The following SEMA4B variants were observed in gnomAD, a reference collection of about 807,000 sequenced individuals.
The protein encoded by SEMA4B is semaphorin 4B.
In SEMA4B, 55 loss-of-function variants were observed where a neutral mutation model predicts 88.1. That is an observed-to-expected ratio of 0.62 (90% CI 0.50 to 0.78). The LOEUF (loss-of-function observed/expected upper bound fraction) is 0.78, where lower values mean the gene tolerates loss of function less well. SEMA4B is among the 30% of genes least tolerant of loss of function. The pLI is 0.00. For missense variants in SEMA4B, 1,062 were observed against 1,111.9 expected (o/e 0.96, Z 0.64); for synonymous variants, 525 against 473.6 (o/e 1.11, Z -1.41).
chr15:90,222,014 A>G (rs966412145), intron 7 of SEMA4B, among the ~76,000 whole-genome samples: 1 of 150,816 alleles, frequency 6.6e-6, no homozygotes, highest in Non-Finnish European at 1.5e-5. Context: ...ATCACGGTTC[A>G]CTGCAGCCTC....
intron 1 of SEMA4B, among the ~76,000 whole-genome samples, chr15:90,208,264 A>G (rs1316728950): frequency 6.6e-6 from 1 of 152,220 alleles, no homozygotes; most frequent in African/African-American, 2.4e-5. Context: ...CAAAAAAAAA[A>G]AAAGAAAGAA....
intron 1 of SEMA4B, among the ~76,000 whole-genome samples, chr15:90,210,002 G>T (rs35089261): frequency 0.11 from 16,233 of 152,244 alleles, 1,071 homozygotes; most frequent in Admixed American, 0.19. Context: ...ATAGCAGCTG[G>T]CCTGGAGATG....
intron 1 of SEMA4B, among the ~76,000 whole-genome samples, chr15:90,188,777 T>C (rs184860063): frequency 0.014 from 2,074 of 152,112 alleles, 46 homozygotes; most frequent in African/African-American, 0.044. Context: ...ATGCCATTCT[T>C]CTGCCTCAGC....
rs1259312707 is a variant in SEMA4B, at chr15:90,229,355, C to T, written c.*712C>T. ...TCAGGAGAGATTTCGTGACAATGTA[C>T]GCCTTTCCCTCAGAATTCAGGGAAG... On this transcript the variant is annotated 3_prime_UTR_variant, in exon 14 of 14. Coordinates refer to ENST00000411539, the MANE Select transcript of SEMA4B (RefSeq NM_198925.4). 6 of 456,740 alleles carry T rather than the reference C, an allele frequency of 1.3e-5. No homozygotes were observed. Among genetic ancestry groups the T allele is most frequent in the East Asian group, 6.9e-5 (1 of 14,406 alleles). The allele number at this position is 456,740 out of a possible 1,614,324, so 28.3% of individuals were successfully genotyped here. A position where few individuals can be genotyped will look rare whatever the true frequency, so the allele number is the denominator to read the frequency against.
intron 1 of SEMA4B, among the ~76,000 whole-genome samples, chr15:90,204,757 T>G (rs1376898495): frequency 1.3e-5 from 2 of 152,080 alleles, no homozygotes; most frequent in Admixed American, 1.3e-4. Context: ...GCCACCTTAT[T>G]TGGACACTTA....
chr15:90,198,218 G>T (rs899216701), upstream of SEMA4B, among the ~76,000 whole-genome samples: 1 of 152,042 alleles, frequency 6.6e-6, no homozygotes, highest in South Asian at 2.1e-4. Context: ...CGCCTGGCTG[G>T]TAAAACTCTT....
intron 1 of SEMA4B, among the ~76,000 whole-genome samples, chr15:90,211,782 G>A (rs1961279715): frequency 6.6e-6 from 1 of 152,192 alleles, no homozygotes; most frequent in African/African-American, 2.4e-5. Flanking sequence ...TGAGAGTGGG[G>A]GAGGCCACTG....
intron 13 of SEMA4B, 110 bp downstream of exon 13, chr15:90,227,752 C>A: frequency 6.9e-7 from 1 of 1,454,312 alleles, no homozygotes. Flanking sequence ...TTGCCCCCTA[C>A]CCCTGTAAGC....
Position 90,228,638 on chromosome 15 carries a change from G to T in SEMA4B, c.2509G>T (p.Val837Leu). 1 of 1,613,210 alleles carries T rather than the reference G, an allele frequency of 6.2e-7. No individual in the cohort carries two copies. The highest frequency in any genetic ancestry group is 8.5e-7 in the Non-Finnish European group (1 of 1,179,866). ...TGGCTCGGAGATCCGTGACTCTGTGGTGTGAGAGCTGACTTCCAGAGGACG... is the reference window on the plus strand; with the variant it reads ...TGGCTCGGAGATCCGTGACTCTGTGTTGTGAGAGCTGACTTCCAGAGGACG... ...RLGSEIRDSVV is the reference protein window; with the variant it reads ...RLGSEIRDSVL The change falls in exon 14 of 14, where the codon GTG becomes TTG. Residue 837 changes from valine to leucine, a missense_variant. By Grantham distance (32) the Val-to-Leu change is conservative (BLOSUM62 1). Transcript: ENST00000411539.
chr15:90,202,937 C>T (rs1450758970), intron 1 of SEMA4B, among the ~76,000 whole-genome samples: 10 of 152,334 alleles, frequency 6.6e-5, no homozygotes, highest in Admixed American at 3.9e-4. Context: ...GAACCCCTGT[C>T]TGAAATACTG....
intron 1 of SEMA4B, among the ~76,000 whole-genome samples, chr15:90,207,879 A>G (rs1358240019): frequency 1.3e-5 from 2 of 152,208 alleles, no homozygotes; most frequent in African/African-American, 4.8e-5. Flanking sequence ...CACATCTCAG[A>G]CAGAAGTTTG....
chr15:90,192,654 G>A (rs1021819711), intron 1 of SEMA4B, among the ~76,000 whole-genome samples: 1 of 135,432 alleles, frequency 7.4e-6, no homozygotes, highest in African/African-American at 2.8e-5. Flanking sequence ...GCAGTGGCAC[G>A]ATCTTGGCTC....
chr15:90,217,817 C>T lies in SEMA4B; in HGVS notation c.372C>T (p.Gly124=). 1 of 1,612,332 alleles carries T rather than the reference C, an allele frequency of 6.2e-7. No homozygotes were observed. Among genetic ancestry groups the T allele is most frequent in the Non-Finnish European group, 8.5e-7 (1 of 1,179,162 alleles). ...AGAAACAGCAGTGCAGCTTCAAGGG[C>T]AAGGACCCACAGGTGAGCCCACACC... The part of the protein sequence containing the change: ...AEKKQQCSFK[G]KDPQRDCQNY... Residue 124 remains glycine, a synonymous_variant, in exon 3 of 14, where the codon GGC becomes GGT. Transcript: ENST00000411539.
Position 90,204,648 on chromosome 15 carries a change from G to A in SEMA4B, c.157+2913G>A, listed in dbSNP as rs147585425. Among the ~76,000 whole-genome samples, 432 of 152,294 alleles carry A rather than the reference G, an allele frequency of 2.8e-3. 1 individual carries two copies. The highest frequency in any genetic ancestry group is 0.01 in the African/African-American group (416 of 41,564). ...CAAAGCCTCGGTCAGGAGCAGGAGTGGTGCTGAGTAGAAACAATGGCGCCC... is the reference window on the plus strand; with the variant it reads ...CAAAGCCTCGGTCAGGAGCAGGAGTAGTGCTGAGTAGAAACAATGGCGCCC... On this transcript the variant is annotated intron_variant, in intron 1 of 13. Transcript: ENST00000411539.
intron 1 of SEMA4B, among the ~76,000 whole-genome samples, chr15:90,185,292 C>T (rs1960131632): frequency 6.6e-6 from 1 of 152,226 alleles, no homozygotes; most frequent in African/African-American, 2.4e-5. Flanking sequence ...AGGCTGGGCC[C>T]GCGTTCCCAT....
At chr15:90,193,969 A>G (rs569285872) in intron 1 of SEMA4B, among the ~76,000 whole-genome samples, 4 of 151,550 alleles carry the variant, frequency 2.6e-5, no homozygotes, top group Non-Finnish European at 5.9e-5. Flanking sequence ...CTCCTGCCTC[A>G]GCCTCCTGAG....
rs190903696 is a variant in SEMA4B, at chr15:90,194,012, C to T, written c.-121-7446C>T. On this transcript the variant is annotated intron_variant, in intron 1 of 14. Coordinates refer to the SEMA4B transcript ENST00000332496. Reference sequence around the variant, plus strand: ...GATTATAGGTGTGCACCACCACGCCCGGCTAATTTTCATATTTTTAGTAGA... The same window carrying T: ...GATTATAGGTGTGCACCACCACGCCTGGCTAATTTTCATATTTTTAGTAGA... Among the ~76,000 whole-genome samples the T allele has an allele frequency of 7.3e-5, 11 of 151,674 alleles. No homozygotes were observed. The East Asian group carries it at 2.0e-3, about 27-fold the overall frequency.
rs2151614195 is a variant in SEMA4B at position 90,217,420 on chromosome 15, C to T, written c.158-19C>T. 3 of 1,607,404 alleles carry T rather than the reference C, an allele frequency of 1.9e-6. No homozygotes were observed. Among genetic ancestry groups the T allele is most frequent in the Non-Finnish European group, 2.5e-6 (3 of 1,176,696 alleles). Reference sequence around the variant, plus strand: ...ATGGGAGGGGTGGCCCCAGGTAATACCCATCTTCCTCTCCCCAGGCTCTGA... The same window carrying T: ...ATGGGAGGGGTGGCCCCAGGTAATATCCATCTTCCTCTCCCCAGGCTCTGA... On this transcript the variant is annotated intron_variant, in intron 1 of 13. Transcript: ENST00000411539.
At position 90,211,412 on chromosome 15, in the gene SEMA4B, G is replaced by A. The variant is rs532828288; in HGVS notation, c.158-6027G>A. Among the ~76,000 whole-genome samples, 268 of 152,322 alleles carry A rather than the reference G, an allele frequency of 1.8e-3. 1 individual carries two copies. Among genetic ancestry groups the A allele is most frequent in the African/African-American group, 6.3e-3 (262 of 41,580 alleles). On this transcript the variant is annotated intron_variant, in intron 1 of 13. Coordinates refer to ENST00000411539, the MANE Select transcript of SEMA4B (RefSeq NM_198925.4). ...CACTTTCTTGGTGACCTCAGTCCAT[G>A]GGAGGACCCTTGGCACACAATACCC...
Sources: gnomAD v4.1 joint callset for allele counts (sites outside exome capture counted in the v4.1 genomes callset) on GRCh38, gnomAD v4.1.1 for gene constraint, MANE v1.5 for transcripts, NCBI Gene and HGNC (gene_info 2026-07-23, HGNC 2026-07-21) for gene names.